The following GNB1 variants were observed in gnomAD, a reference collection of about 807,000 sequenced individuals.
GNB1 encodes guanine nucleotide-binding protein G(I)/G(S)/G(T) subunit beta-1.
GNB1 carries 2 observed loss-of-function variants against 42.9 expected under a neutral mutation model. The observed-to-expected ratio is 0.05, with a 90% CI of 0.02 to 0.15. The LOEUF is 0.15. GNB1 is among the 10% of genes least tolerant of loss of function. The pLI is 1.00. For synonymous variants in GNB1, 183 were observed against 174.7 expected, an observed-to-expected ratio of 1.05 and a Z score of -0.38; for missense variants, 193 against 462.2, an observed-to-expected ratio of 0.42 and a Z score of 5.34.
In GNB1 at chr1:1,850,996, G is replaced by A. The variant is rs181724466; in HGVS notation, c.-95-11758C>T. On this transcript the variant is annotated intron_variant, in intron 1 of 11. Coordinates refer to ENST00000378609, the MANE Select transcript of GNB1 (RefSeq NM_002074.5). Reference sequence around the variant, plus strand: ...TCAAAAACATACTGGCCGGCCAGGCGCGGTGGCTTACGCCTGTAATCCCAG... The same window carrying A: ...TCAAAAACATACTGGCCGGCCAGGCACGGTGGCTTACGCCTGTAATCCCAG... Among the ~76,000 whole-genome samples, 172 of 152,352 alleles carry A rather than the reference G, an allele frequency of 1.1e-3. 1 individual carries two copies. In the East Asian group the frequency reaches 0.022, roughly 19 times the overall value.
At chr1:1,816,187 G>C (rs1473492922) in intron 4 of GNB1, among the ~76,000 whole-genome samples, 1 of 152,088 alleles carries the variant, frequency 6.6e-6, no homozygotes, top group African/African-American at 2.4e-5. Flanking sequence ...CTCCTCCTAG[G>C]TCTCTGAGTT....
At chr1:1,886,003 A>T (rs1650133461) in intron 1 of GNB1, among the ~76,000 whole-genome samples, 1 of 151,688 alleles carries the variant, frequency 6.6e-6, no homozygotes, top group Non-Finnish European at 1.5e-5. Flanking sequence ...AAGAGGCTAA[A>T]AGGTTTAAAA....
chr1:1,882,894 C>A (rs1368694790), intron 1 of GNB1, among the ~76,000 whole-genome samples: 1 of 151,020 alleles, frequency 6.6e-6, no homozygotes, highest in African/African-American at 2.4e-5. Context: ...GCACTCCAGC[C>A]TGGGTGACAG....
chr1:1,844,310 G>A (rs906260668), intron 1 of GNB1, among the ~76,000 whole-genome samples: 1 of 151,664 alleles, frequency 6.6e-6, no homozygotes, highest in Non-Finnish European at 1.5e-5. Flanking sequence ...ACAATCAATT[G>A]ATCCTGAGAC....
intron 1 of GNB1, among the ~76,000 whole-genome samples, chr1:1,874,939 G>C (rs1015766049): frequency 6.6e-6 from 1 of 152,196 alleles, no homozygotes; most frequent in African/African-American, 2.4e-5. Context: ...ATGGTTTTGG[G>C]ATGAAACTGT....
intron 1 of GNB1, among the ~76,000 whole-genome samples, chr1:1,881,335 G>A (rs961871834): frequency 3.3e-5 from 5 of 151,902 alleles, no homozygotes; most frequent in African/African-American, 9.7e-5. Flanking sequence ...AGCACTCTAC[G>A]CTCAACTACC....
At chr1:1,867,798 A>T (rs902160402) in intron 1 of GNB1, among the ~76,000 whole-genome samples, 1 of 152,176 alleles carries the variant, frequency 6.6e-6, no homozygotes, top group African/African-American at 2.4e-5. Flanking sequence ...CTTATTGTCA[A>T]ACTAAGAAAC....
At chr1:1,825,246 A>AG in intron 3 of GNB1, 151 bp downstream of exon 3, 1 of 661,744 alleles carries the variant, frequency 1.5e-6, no homozygotes, top group South Asian at 1.8e-5. Flanking sequence ...CTAAGTATCT[A>AG]GATCTATAAT....
intron 1 of GNB1, among the ~76,000 whole-genome samples, chr1:1,865,258 T>C (rs1014045135): frequency 8.0e-6 from 1 of 125,242 alleles, no homozygotes; most frequent in Non-Finnish European, 1.6e-5. Context: ...TGAGACTCCA[T>C]CTCAAAAAAC....
rs545727183 is a variant in GNB1, at chr1:1,846,288, C to T, written c.-95-7050G>A. ...ACACATAGAAGGAGTAAGATTTAGC[C>T]GGGTGCAGTGGCTCATGTCTGTAAT... On this transcript the variant is annotated intron_variant, in intron 1 of 11. Coordinates refer to ENST00000378609, the MANE Select transcript of GNB1 (RefSeq NM_002074.5). Among the ~76,000 whole-genome samples the T allele has an allele frequency of 2.0e-5, 3 of 152,080 alleles. No homozygotes were observed. The South Asian group carries it at 6.3e-4, about 32-fold the overall frequency.
At chr1:1,795,248 A>G (rs1646531072) in intron 7 of GNB1, among the ~76,000 whole-genome samples, 1 of 152,040 alleles carries the variant, frequency 6.6e-6, no homozygotes, top group Non-Finnish European at 1.5e-5. Context: ...TCTCCACCCG[A>G]GCCCTCCTCC....
intron 1 of GNB1, among the ~76,000 whole-genome samples, chr1:1,875,259 T>C (rs1470815856): frequency 6.6e-6 from 1 of 151,904 alleles, no homozygotes; most frequent in Non-Finnish European, 1.5e-5. Flanking sequence ...TGGTGTGATC[T>C]CAGCTCACTG....
At chr1:1,848,399 A>G (rs1647798097) in intron 1 of GNB1, among the ~76,000 whole-genome samples, 1 of 151,760 alleles carries the variant, frequency 6.6e-6, no homozygotes, top group Non-Finnish European at 1.5e-5. Context: ...AAAACGAAAA[A>G]GAAAGAAGTC....
chr1:1,812,336 TAAAG>T (rs1476305087), intron 5 of GNB1, among the ~76,000 whole-genome samples: 4 of 140,158 alleles, frequency 2.9e-5, no homozygotes, highest in Admixed American at 1.4e-4. Context: ...CCCTAGAACT[TAAAG>T]AAAAAAAAAA....
At chr1:1,810,617 AATAC>A (rs1341753012) in intron 5 of GNB1, among the ~76,000 whole-genome samples, 1 of 151,720 alleles carries the variant, frequency 6.6e-6, no homozygotes, top group East Asian at 1.9e-4. Flanking sequence ...CTGATACATT[AATAC>A]ATACATACAT....
Position 1,847,791 on chromosome 1 carries a change from G to A in GNB1, c.-95-8553C>T, listed in dbSNP as rs12403351. Among the ~76,000 whole-genome samples the A allele has an allele frequency of 4.0e-3, 614 of 152,230 alleles. 12 individuals carry two copies. The highest frequency in any genetic ancestry group is 0.029 in the East Asian group (150 of 5,184). ...CTGTGCATATGCTTTTAAAAGGGTA[G>A]GGGGGTGGGTAAGGACTTCAACATG... On this transcript the variant is annotated intron_variant, in intron 1 of 11. Transcript: ENST00000378609.
chr1:1,867,784 T>C (rs187872722), intron 1 of GNB1, among the ~76,000 whole-genome samples: 24 of 152,340 alleles, frequency 1.6e-4, no homozygotes, highest in Admixed American at 9.2e-4. Context: ...TCATAGCTTA[T>C]AGCCTTATTG....
intron 1 of GNB1, among the ~76,000 whole-genome samples, chr1:1,879,530 C>A (rs1223185045): frequency 6.6e-6 from 1 of 151,962 alleles, no homozygotes; most frequent in East Asian, 1.9e-4. Context: ...CACGGTGAAA[C>A]CCTGTCTCTA....
At chr1:1,866,770 C>T (rs1212355) in intron 1 of GNB1, among the ~76,000 whole-genome samples, 61 of 151,264 alleles carry the variant, frequency 4.0e-4, no homozygotes, top group African/African-American at 1.1e-3. Context: ...TTGGCTAACA[C>T]GGTGAAACCC....
Sources: gnomAD v4.1 joint callset for allele counts (sites outside exome capture counted in the v4.1 genomes callset) on GRCh38, gnomAD v4.1.1 for gene constraint, MANE v1.5 for transcripts, NCBI Gene and HGNC (gene_info 2026-07-23, HGNC 2026-07-21) for gene names.